The following FOXP1 variants were observed in gnomAD, a reference collection of about 807,000 sequenced individuals.
The protein encoded by FOXP1 is forkhead box protein P1.
In FOXP1, 15 loss-of-function variants were observed where a neutral mutation model predicts 98.2. The observed-to-expected ratio is 0.15, with a 90% CI of 0.10 to 0.24. FOXP1 has a LOEUF of 0.24. Ranked by LOEUF, FOXP1 falls within the 10% of genes least tolerant of loss-of-function variation. The pLI, the probability that FOXP1 is intolerant of heterozygous loss-of-function variation, is 1.00. For missense variants in FOXP1, 633 were observed against 848.5 expected (o/e 0.75, Z 3.15); for synonymous variants, 371 against 314.5 (o/e 1.18, Z -1.90).
At chr3:71,145,397 C>T (rs777343367) in intron 6 of FOXP1, among the ~76,000 whole-genome samples, 2 of 151,988 alleles carry the variant, frequency 1.3e-5, no homozygotes, top group East Asian at 1.9e-4. Flanking sequence ...ATTAGCTGGG[C>T]GTGGTGGCAC....
chr3:71,239,868 T>A (rs1477322565), intron 5 of FOXP1, among the ~76,000 whole-genome samples: 1 of 152,234 alleles, frequency 6.6e-6, no homozygotes, highest in African/African-American at 2.4e-5. Context: ...TTGCCACTGC[T>A]ACCAGGCTGA....
At chr3:71,204,792 C>T (rs2108426525) in intron 5 of FOXP1, among the ~76,000 whole-genome samples, 1 of 152,226 alleles carries the variant, frequency 6.6e-6, no homozygotes, top group African/African-American at 2.4e-5. Flanking sequence ...AAGAACAAAA[C>T]AAGAGAAACA....
At chr3:71,043,401 C>T (rs1353272443) in intron 10 of FOXP1, among the ~76,000 whole-genome samples, 2 of 152,124 alleles carry the variant, frequency 1.3e-5, no homozygotes, top group African/African-American at 2.4e-5. Flanking sequence ...ACCCCATGTC[C>T]GGTTTTGCTG....
At chr3:71,026,003 G>A (rs2046065698) in intron 11 of FOXP1, among the ~76,000 whole-genome samples, 2 of 152,140 alleles carry the variant, frequency 1.3e-5, no homozygotes, top group South Asian at 4.1e-4. Context: ...CATGCACTTG[G>A]CACAGTACCA....
chr3:71,108,987 C>T (rs2057683131), intron 7 of FOXP1, among the ~76,000 whole-genome samples: 1 of 152,032 alleles, frequency 6.6e-6, no homozygotes, highest in African/African-American at 2.4e-5. Context: ...ATGATGGGGC[C>T]AATTTTCAAT....
intron 4 of FOXP1, among the ~76,000 whole-genome samples, chr3:71,320,419 T>C (rs2075321435): frequency 6.6e-6 from 1 of 151,896 alleles, no homozygotes; most frequent in South Asian, 2.1e-4. Flanking sequence ...CAGTCTTGTC[T>C]CTAAGCCGCT....
At chr3:71,281,243 A>T (rs937788632) in intron 5 of FOXP1, among the ~76,000 whole-genome samples, 11 of 81,224 alleles carry the variant, frequency 1.4e-4, no homozygotes, top group East Asian at 3.6e-4. Flanking sequence ...AAAAATTTTA[A>T]AAAAAAAAAG....
chr3:71,302,144 G>T (rs115909030), intron 4 of FOXP1, among the ~76,000 whole-genome samples: 4 of 152,230 alleles, frequency 2.6e-5, no homozygotes, highest in East Asian at 3.9e-4. Context: ...TTTAGAGAAG[G>T]TATAACATTA....
chr3:71,072,247 A>C (rs2053336326), intron 7 of FOXP1, among the ~76,000 whole-genome samples: 1 of 152,176 alleles, frequency 6.6e-6, no homozygotes, highest in Admixed American at 6.5e-5. Flanking sequence ...TGAGCCCTGG[A>C]GGTTGAGGTT....
intron 5 of FOXP1, among the ~76,000 whole-genome samples, chr3:71,233,190 T>C (rs1275898207): frequency 8.2e-6 from 1 of 122,450 alleles, no homozygotes; most frequent in African/African-American, 3.2e-5. Flanking sequence ...GCGAAAGAAA[T>C]AGAAAGGTAA....
rs2032483707 is a variant in FOXP1, at chr3:70,958,758, A to AAAAAAAAAAAAG, written c.*488_*489insCTTTTTTTTTTT. On this transcript the variant is annotated 3_prime_UTR_variant, in exon 21 of 21. Transcript: ENST00000649528. ...GAAGCAAAAAAAAAAAAAAAAAAAAAAAAAAAAAAGGAGTAAAGGCAGTGA... is the reference window on the plus strand; with the variant it reads ...GAAGCAAAAAAAAAAAAAAAAAAAAAAAAAAAAAAAAGAAAAAAAAAGGAGTAAAGGCAGTGA... 1 of 223,822 alleles carries AAAAAAAAAAAAG rather than the reference A, an allele frequency of 4.5e-6. No homozygotes were observed. Among genetic ancestry groups the AAAAAAAAAAAAG allele is most frequent in the Non-Finnish European group, 8.8e-6 (1 of 113,246 alleles). The allele number at this position is 223,822 out of a possible 1,614,324, so 13.9% of individuals were successfully genotyped here. A position where few individuals can be genotyped will look rare whatever the true frequency, so the allele number is the denominator to read the frequency against.
intron 6 of FOXP1, among the ~76,000 whole-genome samples, chr3:71,160,891 A>C (rs1186189986): frequency 1.3e-5 from 2 of 152,246 alleles, no homozygotes; most frequent in African/African-American, 2.4e-5. Flanking sequence ...ACCAATGTAG[A>C]TTGAACTACA....
chr3:71,229,961 A>G (rs1424694737), intron 5 of FOXP1, among the ~76,000 whole-genome samples: 1 of 151,904 alleles, frequency 6.6e-6, no homozygotes. Flanking sequence ...CACTTCTGTC[A>G]AGCTCAGATT....
rs142956636 is a variant in FOXP1 at position 70,956,732 on chromosome 3, GTTTTTTTTTTTTTTTTTTTT to G, written c.*2495_*2514del. 58 of 32,808 alleles carry G rather than the reference GTTTTTTTTTTTTTTTTTTTT, an allele frequency of 1.8e-3. No homozygotes were observed. Among genetic ancestry groups the G allele is most frequent in the South Asian group, 4.1e-3 (3 of 732 alleles). The allele number at this position is 32,808 out of a possible 1,614,324, so 2.0% of individuals were successfully genotyped here. ...GCACATCATGAAGCTGCCTGGAAAA[GTTTTTTTTTTTTTTTTTTTT>G]TTTTTTTTTTTTTTTTTTTTTAAAG... On this transcript the variant is annotated 3_prime_UTR_variant, in exon 21 of 21. Transcript: ENST00000649528.
At chr3:71,219,033 G>T (rs1429821369) in intron 5 of FOXP1, among the ~76,000 whole-genome samples, 1 of 151,966 alleles carries the variant, frequency 6.6e-6, no homozygotes, top group African/African-American at 2.4e-5. Flanking sequence ...CCTATTCCTG[G>T]GTTTTCAGGG....
chr3:70,983,035 T>A (rs1429621659), intron 14 of FOXP1, among the ~76,000 whole-genome samples: 1 of 152,200 alleles, frequency 6.6e-6, no homozygotes, highest in East Asian at 1.9e-4. Flanking sequence ...GGCAGTGTCA[T>A]TTCTGGGCAT....
intron 7 of FOXP1, among the ~76,000 whole-genome samples, chr3:71,078,130 C>T (rs976349926): frequency 1.2e-4 from 18 of 144,170 alleles, no homozygotes; most frequent in Non-Finnish European, 2.6e-4. Context: ...CCCCGCCCGG[C>T]CTCCTCTGTA....
intron 7 of FOXP1, among the ~76,000 whole-genome samples, chr3:71,072,018 T>TGCTTACA (rs1481051133): frequency 1.3e-5 from 2 of 152,178 alleles, no homozygotes; most frequent in East Asian, 3.9e-4. Flanking sequence ...ATTAGGATCC[T>TGCTTACA]ATGTAAAACT....
chr3:71,127,434 C>T (rs2059288041), intron 6 of FOXP1, among the ~76,000 whole-genome samples: 1 of 152,074 alleles, frequency 6.6e-6, no homozygotes, highest in Non-Finnish European at 1.5e-5. Flanking sequence ...AGTTTCAGCC[C>T]ATGCTGTATC....
Sources: allele counts gnomAD v4.1 joint callset (sites outside exome capture counted in the v4.1 genomes callset), GRCh38; gene constraint gnomAD v4.1.1; transcripts MANE v1.5; gene names NCBI Gene and HGNC (gene_info 2026-07-23, HGNC 2026-07-21).